The following KANSL1L variants were observed in gnomAD, a reference collection of about 807,000 sequenced individuals.
The protein encoded by KANSL1L is KAT8 regulatory NSL complex subunit 1-like protein.
A neutral mutation model predicts 108.6 loss-of-function variants in KANSL1L; 25 were observed. That is an observed-to-expected ratio of 0.23 (90% CI 0.17 to 0.32). The LOEUF (loss-of-function observed/expected upper bound fraction) is 0.32. KANSL1L is among the 10% of genes least tolerant of loss of function. The pLI is 1.00. For missense variants in KANSL1L, 1,137 were observed against 1,125.7 expected (o/e 1.01, Z -0.14); for synonymous variants, 405 against 395.1 (o/e 1.03, Z -0.30).
At chr2:210,108,897 T>A (rs912967555) in intron 3 of KANSL1L, among the ~76,000 whole-genome samples, 4 of 152,186 alleles carry the variant, frequency 2.6e-5, no homozygotes, top group Admixed American at 6.5e-5. Flanking sequence ...TAAACATACT[T>A]CATCACTTCC....
intron 6 of KANSL1L, among the ~76,000 whole-genome samples, chr2:210,054,862 ATT>A (rs1469307798): frequency 2.0e-5 from 3 of 152,200 alleles, no homozygotes; most frequent in Non-Finnish European, 4.4e-5. Context: ...AGAAAATACT[ATT>A]TGTAGACAAC....
At chr2:210,120,270 T>C (rs2095002272) in intron 3 of KANSL1L, among the ~76,000 whole-genome samples, 1 of 152,086 alleles carries the variant, frequency 6.6e-6, no homozygotes, top group Non-Finnish European at 1.5e-5. Flanking sequence ...CATGTGCCTG[T>C]AGTCCCAGCG....
chr2:210,160,190 C>G (rs1334937594), intron 1 of KANSL1L, among the ~76,000 whole-genome samples: 1 of 152,126 alleles, frequency 6.6e-6, no homozygotes, highest in Non-Finnish European at 1.5e-5. Context: ...TGTCTTTAAT[C>G]TGATAAAAAG....
chr2:210,034,837 C>T (rs2094078393), intron 8 of KANSL1L, among the ~76,000 whole-genome samples: 1 of 152,204 alleles, frequency 6.6e-6, no homozygotes, highest in South Asian at 2.1e-4. Flanking sequence ...CCTCTTCCAT[C>T]TATCTGAGAC....
chr2:210,076,619 G>C (rs1368488156), intron 5 of KANSL1L, among the ~76,000 whole-genome samples: 2 of 151,668 alleles, frequency 1.3e-5, no homozygotes, highest in Non-Finnish European at 1.5e-5. Flanking sequence ...ATAAAATAAT[G>C]AAATAGATCA....
Position 210,123,343 on chromosome 2 carries a change from CA to C in KANSL1L, c.1230+5687del, listed in dbSNP as rs1386749892. Among the ~76,000 whole-genome samples the C allele has an allele frequency of 3.9e-5, 6 of 151,994 alleles. No homozygotes were observed. The East Asian group carries it at 1.2e-3, about 29-fold the overall frequency. The stretch of plus-strand genomic sequence containing the variant: ...TACATATACAAAATGGAGTACTATA[CA>C]GTGATAAAAAAGACTGAGATCCTGT... On this transcript the variant is annotated intron_variant, in intron 3 of 14. Transcript: ENST00000281772.
chr2:210,123,994 T>A (rs2095044371), intron 3 of KANSL1L, among the ~76,000 whole-genome samples: 1 of 152,092 alleles, frequency 6.6e-6, no homozygotes, highest in Admixed American at 6.5e-5. Context: ...AAGAGACAAT[T>A]AAAACATATG....
intron 3 of KANSL1L, among the ~76,000 whole-genome samples, chr2:210,127,098 A>C (rs578222954): frequency 6.6e-6 from 1 of 152,294 alleles, no homozygotes; most frequent in East Asian, 1.9e-4. Flanking sequence ...TACTGGCATA[A>C]AGACAGACCT....
intron 7 of KANSL1L, among the ~76,000 whole-genome samples, chr2:210,042,908 A>T (rs1233536833): frequency 6.6e-6 from 1 of 152,176 alleles, no homozygotes; most frequent in African/African-American, 2.4e-5. Flanking sequence ...TTTACAAATA[A>T]ATCAGTCCCT....
Position 210,023,060 on chromosome 2 carries a change from G to T in KANSL1L, c.2853C>A (p.Ile951=), listed in dbSNP as rs752643213. 2 of 1,613,936 alleles carry T rather than the reference G, an allele frequency of 1.2e-6. No individual in the cohort carries two copies. Among genetic ancestry groups the T allele is most frequent in the East Asian group, 2.2e-5 (1 of 44,868 alleles). The change falls in exon 15 of 15, where the codon ATC becomes ATA. Residue 951 remains isoleucine (I), a synonymous_variant. Transcript: ENST00000281772. ...ERSSTAFHGE[I]FGTSVPENGH... ...CATTCTCTGGTACACTGGTACCGAA[G>T]ATTTCACCATGGAAAGCTGTGCTTG... is the stretch of plus-strand genomic sequence containing the variant.
chr2:210,058,836 C>CAA (rs71043968), intron 6 of KANSL1L, among the ~76,000 whole-genome samples: 21 of 65,796 alleles, frequency 3.2e-4, no homozygotes, highest in African/African-American at 1.0e-3. Flanking sequence ...GACTCCGTCT[C>CAA]AAAAAAAAAA....
intron 10 of KANSL1L, among the ~76,000 whole-genome samples, chr2:210,029,585 TAAA>T (rs1034190796): frequency 5.3e-5 from 8 of 152,070 alleles, no homozygotes; most frequent in South Asian, 2.1e-4. Flanking sequence ...TTTTAACACA[TAAA>T]AAGAAGCTAT....
chr2:210,050,117 A>G (rs1215329890), intron 6 of KANSL1L, among the ~76,000 whole-genome samples: 1 of 152,232 alleles, frequency 6.6e-6, no homozygotes, highest in African/African-American at 2.4e-5. Flanking sequence ...AGTTAAGCCT[A>G]GAAAGGCTCC....
intron 1 of KANSL1L, among the ~76,000 whole-genome samples, chr2:210,162,451 A>G (rs934002887): frequency 6.6e-6 from 1 of 151,888 alleles, no homozygotes; most frequent in African/African-American, 2.4e-5. Context: ...AGAAAAAAAT[A>G]AAAATTTCTG....
At chr2:210,030,045 A>G (rs976820617) in intron 9 of KANSL1L, 127 bp from the exon 10 acceptor site, 3 of 457,356 alleles carry the variant, frequency 6.6e-6, no homozygotes, top group East Asian at 3.4e-5. Flanking sequence ...TTCGTGTATT[A>G]GAAAACAAAA....
At chr2:210,050,357 T>C (rs754580286) in intron 6 of KANSL1L, among the ~76,000 whole-genome samples, 4 of 152,136 alleles carry the variant, frequency 2.6e-5, no homozygotes, top group Admixed American at 6.5e-5. Context: ...GCACTTCTAA[T>C]TAAAAGGCAG....
chr2:210,098,328 G>A, intron 4 of KANSL1L, 121 bp from the exon 5 acceptor site: 1 of 881,722 alleles, frequency 1.1e-6, no homozygotes, highest in Non-Finnish European at 1.7e-6. Flanking sequence ...TTTAGTAAAT[G>A]TTTTATTTGA....
At chr2:210,027,130 C>T (rs1198146279) in intron 12 of KANSL1L, among the ~76,000 whole-genome samples, 166 bp downstream of exon 12, 3 of 152,106 alleles carry the variant, frequency 2.0e-5, no homozygotes, top group African/African-American at 7.2e-5. Context: ...TTGCACAAAA[C>T]ATTTTTCGAA....
At chr2:210,119,764 G>A (rs1031902432) in intron 3 of KANSL1L, among the ~76,000 whole-genome samples, 4 of 152,086 alleles carry the variant, frequency 2.6e-5, no homozygotes, top group African/African-American at 4.8e-5. Context: ...AATCTAGAAC[G>A]TAACAAGGAT....
Sources: allele counts gnomAD v4.1 joint callset (sites outside exome capture counted in the v4.1 genomes callset), GRCh38; gene constraint gnomAD v4.1.1; transcripts MANE v1.5; gene names NCBI Gene and HGNC (gene_info 2026-07-23, HGNC 2026-07-21).